NDUFA10: variants seen among roughly 807,000 people sequenced by gnomAD.
NDUFA10 encodes the protein NADH:ubiquinone oxidoreductase subunit A10, also known as NADH dehydrogenase [ubiquinone] 1 alpha subcomplex subunit 10, mitochondrial.
In NDUFA10, 40 loss-of-function variants were observed where a neutral mutation model predicts 47.8. The ratio of observed to expected loss-of-function variants is 0.84; its 90% CI spans 0.65 to 1.09. The LOEUF (loss-of-function observed/expected upper bound fraction) is 1.09, where lower values mean the gene tolerates loss of function less well. Ranked by LOEUF, NDUFA10 falls within the 50% of genes least tolerant of loss-of-function variation. The pLI is 0.00. For synonymous variants in NDUFA10, 183 were observed against 172.2 expected (o/e 1.06, Z -0.49); for missense variants, 413 against 451.1 (o/e 0.92, Z 0.76).
At position 239,959,710 on chromosome 2, in the gene NDUFA10, G is replaced by C. The variant is rs1303741382; in HGVS notation, c.*1408C>G. On this transcript the variant is annotated 3_prime_UTR_variant, in exon 10 of 10. Coordinates refer to ENST00000252711, the MANE Select transcript of NDUFA10 (RefSeq NM_004544.4). ...AAGGAGGGAAGGAAAGAGGCAGGGA[G>C]GAAAACAAGGACAGACGGAAGGAAG... 5.0e-6 allele frequency: 4 copies of C among 808,044 alleles called. No homozygotes were observed. The highest frequency in any genetic ancestry group is 6.0e-6 in the Non-Finnish European group (4 of 669,240). The allele number at this position is 808,044 out of a possible 1,614,324, so 50.1% of individuals were successfully genotyped here. A position where few individuals can be genotyped will look rare whatever the true frequency, so the allele number is the denominator to read the frequency against.
chr2:240,005,715 G>GT (rs3838575), intron 7 of NDUFA10, among the ~76,000 whole-genome samples: 45,276 of 152,080 alleles, frequency 0.3, 7,331 homozygotes, highest in East Asian at 0.43. Context: ...GAATCACACC[G>GT]TAACAGTCAG....
At chr2:239,943,255 G>A (rs1381910129) in intron 4 of NDUFA10, among the ~76,000 whole-genome samples, 1 of 152,254 alleles carries the variant, frequency 6.6e-6, no homozygotes, top group Non-Finnish European at 1.5e-5. Context: ...ACTCAGGCTT[G>A]GTGGCAGGTC....
chr2:239,977,597 CAG>C (rs1470960601), intron 9 of NDUFA10, among the ~76,000 whole-genome samples: 3 of 152,218 alleles, frequency 2.0e-5, no homozygotes, highest in African/African-American at 7.2e-5. Context: ...CAATCTGTTC[CAG>C]AGAGACTCAT....
intron 8 of NDUFA10, among the ~76,000 whole-genome samples, chr2:239,994,413 C>T (rs866870275): frequency 6.6e-6 from 1 of 151,918 alleles, no homozygotes; most frequent in Non-Finnish European, 1.5e-5. Context: ...TTGCACACTC[C>T]TTATGAGAAT....
intron 4 of NDUFA10, among the ~76,000 whole-genome samples, chr2:239,932,429 G>C (rs781200717): frequency 3.3e-5 from 5 of 152,220 alleles, no homozygotes; most frequent in Non-Finnish European, 5.9e-5. Context: ...AAACATTTCT[G>C]CGCTTTTCCA....
At position 239,906,315 on chromosome 2, in the gene NDUFA10, C is replaced by CT. The variant is rs1693655215; in HGVS notation, c.295-11002dup. Among the ~76,000 whole-genome samples, 1 of 152,176 alleles carries CT rather than the reference C, an allele frequency of 6.6e-6. No individual in the cohort carries two copies. The highest frequency in any genetic ancestry group is 6.5e-5 in the Admixed American group (1 of 15,288). ...TGCGGCTTCAGTTGTGCCTTGCTGA[C>CT]TGTCTAGGCACTGACCACGCCCTGT... On this transcript the variant is annotated intron_variant, in intron 4 of 5. Coordinates refer to the NDUFA10 transcript ENST00000419408. The surrounding 1 kb of genome is among the most constrained non-coding windows in gnomAD (Gnocchi z 4.3).
intron 5 of NDUFA10, chr2:240,012,622 C>T (rs1474220099): frequency 6.6e-6 from 1 of 152,116 alleles, no homozygotes; most frequent in Non-Finnish European, 1.5e-5. Context: ...TCAGTCGTAC[C>T]CTTAAAATGG....
intron 4 of NDUFA10, among the ~76,000 whole-genome samples, chr2:239,932,823 C>CA (rs1448889983): frequency 6.6e-6 from 1 of 152,188 alleles, no homozygotes; most frequent in East Asian, 1.9e-4. Flanking sequence ...CCTCGTGATC[C>CA]ACCCGCCTCG....
At chr2:239,932,582 A>G (rs1000608899) in intron 4 of NDUFA10, among the ~76,000 whole-genome samples, 9 of 151,174 alleles carry the variant, frequency 6.0e-5, no homozygotes, top group African/African-American at 2.2e-4. Flanking sequence ...CTGGTCAAAG[A>G]ATTTTTTTTT....
At chr2:239,978,932 C>A (rs1695647823) in intron 9 of NDUFA10, among the ~76,000 whole-genome samples, 1 of 152,076 alleles carries the variant, frequency 6.6e-6, no homozygotes, top group Admixed American at 6.5e-5. Flanking sequence ...AACTTGAGCT[C>A]TAATAAAAAA....
chr2:239,969,479 C>T (rs1194896261), intron 9 of NDUFA10: 5 of 351,596 alleles, frequency 1.4e-5, no homozygotes, highest in East Asian at 7.4e-5. Flanking sequence ...CGGCCACGCA[C>T]GTTACAGAAT....
chr2:239,989,039 GCACT>G, intron 9 of NDUFA10, among the ~76,000 whole-genome samples: 1 of 145,798 alleles, frequency 6.9e-6, no homozygotes, highest in East Asian at 2.0e-4. Flanking sequence ...AACAGCACGC[GCACT>G]CACACAAGTA....
intron 4 of NDUFA10, chr2:240,017,880 T>C (rs760748789): frequency 3.5e-5 from 55 of 1,570,632 alleles, no homozygotes; most frequent in Non-Finnish European, 4.6e-5. Flanking sequence ...AGATTCCAGC[T>C]TTCCACTGGC....
At chr2:239,944,421 C>T (rs138092124) in intron 4 of NDUFA10, among the ~76,000 whole-genome samples, 45 of 152,310 alleles carry the variant, frequency 3.0e-4, no homozygotes, top group Non-Finnish European at 5.1e-4. Flanking sequence ...CCTCTGGTCA[C>T]GGCTCAGGCT....
intron 4 of NDUFA10, among the ~76,000 whole-genome samples, chr2:239,927,873 C>T (rs1048662879): frequency 1.3e-5 from 2 of 152,214 alleles, no homozygotes; most frequent in Non-Finnish European, 2.9e-5. Context: ...GGCAAAAACT[C>T]GGCAAGGCTG....
intron 9 of NDUFA10, among the ~76,000 whole-genome samples, chr2:239,964,472 A>G (rs575663696): frequency 6.6e-6 from 1 of 152,258 alleles, no homozygotes; most frequent in South Asian, 2.1e-4. Flanking sequence ...GTATTGTTTT[A>G]AGCTGCTAGA....
chr2:240,011,891 C>T, intron 5 of NDUFA10, 195 bp from the exon 6 acceptor site: 3 of 622,820 alleles, frequency 4.8e-6, no homozygotes, highest in Non-Finnish European at 5.9e-6. Flanking sequence ...ACAGTGAACA[C>T]CTGAGCCTGC....
chr2:239,905,207 A>T (rs1316037201), intron 4 of NDUFA10, among the ~76,000 whole-genome samples: 1 of 152,158 alleles, frequency 6.6e-6, no homozygotes, highest in East Asian at 1.9e-4. Flanking sequence ...TGTGTACCCC[A>T]TGCAGTGTGA....
At chr2:240,019,612 A>T (rs1178270165) in intron 3 of NDUFA10, among the ~76,000 whole-genome samples, 1 of 29,136 alleles carries the variant, frequency 3.4e-5, no homozygotes, top group South Asian at 6.3e-4. Flanking sequence ...AGGTCAGGAG[A>T]TCGAGACCAT....
Sources: gnomAD v4.1 joint callset for allele counts (sites outside exome capture counted in the v4.1 genomes callset) on GRCh38, gnomAD v4.1.1 for gene constraint, Gnocchi (gnomAD v3.1) non-coding constraint, MANE v1.5 for transcripts, NCBI Gene and HGNC (gene_info 2026-07-23, HGNC 2026-07-21) for gene names.